Variants in PTPRN2 observed in about 807,000 individuals in gnomAD.
PTPRN2 encodes protein tyrosine phosphatase receptor type N2.
Under a neutral mutation model 118.8 loss-of-function variants are expected in PTPRN2, and 74 were observed. The observed-to-expected ratio is 0.62, with a 90% CI of 0.52 to 0.76. The LOEUF is 0.76. Among genes scored for constraint, PTPRN2 ranks in the 30% least tolerant of loss-of-function variants. The pLI is 0.00. For synonymous variants in PTPRN2, 641 were observed against 608.0 expected (o/e 1.05, Z -0.80); for missense variants, 1,481 against 1,394.4 (o/e 1.06, Z -0.99).
At chr7:158,340,293 T>C (rs1352902115) in intron 2 of PTPRN2, among the ~76,000 whole-genome samples, 2 of 93,344 alleles carry the variant, frequency 2.1e-5, no homozygotes, top group African/African-American at 7.7e-5. Flanking sequence ...ACCCACATTC[T>C]CACCATAGGA....
intron 2 of PTPRN2, among the ~76,000 whole-genome samples, chr7:158,431,163 C>T (rs1014048798): frequency 1.4e-4 from 22 of 152,218 alleles, no homozygotes; most frequent in Non-Finnish European, 4.4e-5. Flanking sequence ...TCCCAGCCAG[C>T]GTGAGCCCCA....
intron 2 of PTPRN2, among the ~76,000 whole-genome samples, chr7:158,358,363 G>C (rs990798882): frequency 1.3e-5 from 2 of 152,196 alleles, no homozygotes; most frequent in African/African-American, 4.8e-5. Context: ...TGGGCTGGAG[G>C]AGGGCTGCAG....
intron 11 of PTPRN2, among the ~76,000 whole-genome samples, chr7:158,067,414 C>G (rs979234382): frequency 6.6e-6 from 1 of 152,152 alleles, no homozygotes; most frequent in South Asian, 2.1e-4. Context: ...GAGTGGTACT[C>G]GGCTCCAGTG....
At chr7:158,583,799 GAGA>G (rs1475203603) in intron 1 of PTPRN2, among the ~76,000 whole-genome samples, 1 of 152,216 alleles carries the variant, frequency 6.6e-6, no homozygotes, top group African/African-American at 2.4e-5. Flanking sequence ...ACAACAGGCA[GAGA>G]AGCTCACAGA....
intron 3 of PTPRN2, among the ~76,000 whole-genome samples, chr7:158,235,397 G>T (rs922597258): frequency 6.6e-6 from 1 of 152,144 alleles, no homozygotes; most frequent in South Asian, 2.1e-4. Flanking sequence ...TATACACAAT[G>T]GAATAGTATT....
intron 2 of PTPRN2, among the ~76,000 whole-genome samples, chr7:158,383,508 T>C (rs1811115393): frequency 6.6e-6 from 1 of 152,234 alleles, no homozygotes; most frequent in Non-Finnish European, 1.5e-5. Context: ...TGGAATGCCC[T>C]TTCAATTTTT....
chr7:158,198,481 A>G (rs1826389948), intron 4 of PTPRN2, among the ~76,000 whole-genome samples: 1 of 152,254 alleles, frequency 6.6e-6, no homozygotes, highest in South Asian at 2.1e-4. Context: ...AGTTTGTTAA[A>G]GGAAAAAATT....
Position 158,195,554 on chromosome 7 carries a change from G to A in PTPRN2, c.381-3059C>T, listed in dbSNP as rs6977406. 9.0e-3 allele frequency among the ~76,000 whole-genome samples: 1,357 copies of A among 150,730 alleles called. 23 individuals carry two copies. Among genetic ancestry groups the A allele is most frequent in the African/African-American group, 0.031 (1,281 of 40,926 alleles). ...TGATTTTTCTGTTCCTGTCTCTCCCGCCTTGGGACTCCAGTTATACAGATA... is the reference window on the plus strand; with the variant it reads ...TGATTTTTCTGTTCCTGTCTCTCCCACCTTGGGACTCCAGTTATACAGATA... On this transcript the variant is annotated intron_variant, in intron 4 of 22. Coordinates refer to ENST00000389418, the MANE Select transcript of PTPRN2 (RefSeq NM_002847.5).
chr7:157,925,868 G>A (rs142901302), intron 11 of PTPRN2, among the ~76,000 whole-genome samples: 16 of 151,874 alleles, frequency 1.1e-4, no homozygotes, highest in East Asian at 3.9e-4. Flanking sequence ...TCTTCAAAGC[G>A]CGGTGCCTCA....
rs200748779 is a variant in PTPRN2, at chr7:157,982,609, TC to T, written c.1724-83873del. Among the ~76,000 whole-genome samples, 350 of 93,262 alleles carry T rather than the reference TC, an allele frequency of 3.8e-3. 3 individuals carry two copies. The highest frequency in any genetic ancestry group is 0.015 in the African/African-American group (339 of 22,892). The allele number at this position is 93,262 out of a possible 152,430, so 61.2% of individuals were successfully genotyped here. On this transcript the variant is annotated intron_variant, in intron 11 of 22. Coordinates refer to ENST00000389418, the MANE Select transcript of PTPRN2 (RefSeq NM_002847.5). ...GAGTAGGGGAATGCAGAGTGCAGGGTCCCCCCTAAACCCCGAGTCACAGAGA... is the reference window on the plus strand; with the variant it reads ...GAGTAGGGGAATGCAGAGTGCAGGGTCCCCCTAAACCCCGAGTCACAGAGA...
chr7:158,250,973 T>C (rs563663005), intron 3 of PTPRN2, among the ~76,000 whole-genome samples: 21 of 152,004 alleles, frequency 1.4e-4, no homozygotes, highest in African/African-American at 4.1e-4. Flanking sequence ...TGAGCACATT[T>C]TTACTTGATT....
Position 158,359,890 on chromosome 7 carries a change from G to C in PTPRN2, c.164-42958C>G, listed in dbSNP as rs146229161. On this transcript the variant is annotated intron_variant, in intron 2 of 22. Coordinates refer to ENST00000389418, the MANE Select transcript of PTPRN2 (RefSeq NM_002847.5). Reference sequence around the variant, plus strand: ...CAGCACCTTAGCTTGGCCCCTCCTTGGTGCCCAAGACCTAACACTGGAGAT... The same window carrying C: ...CAGCACCTTAGCTTGGCCCCTCCTTCGTGCCCAAGACCTAACACTGGAGAT... 9.1e-3 allele frequency among the ~76,000 whole-genome samples: 1,381 copies of C among 152,218 alleles called. 24 individuals carry two copies. Among genetic ancestry groups the C allele is most frequent in the African/African-American group, 0.032 (1,322 of 41,526 alleles).
chr7:157,933,315 G>C (rs926071072), intron 11 of PTPRN2, among the ~76,000 whole-genome samples: 6 of 148,000 alleles, frequency 4.1e-5, no homozygotes, highest in Non-Finnish European at 7.4e-5. Flanking sequence ...TTAGAGGAAG[G>C]GTGAGTCATT....
At chr7:158,484,140 T>C (rs1820829593) in intron 2 of PTPRN2, among the ~76,000 whole-genome samples, 1 of 151,908 alleles carries the variant, frequency 6.6e-6, no homozygotes, top group South Asian at 2.1e-4. Context: ...CAAGTGCTTG[T>C]CTTAAAAAAA....
intron 3 of PTPRN2, among the ~76,000 whole-genome samples, chr7:158,223,054 A>T (rs1415386787): frequency 6.6e-6 from 1 of 152,198 alleles, no homozygotes; most frequent in Non-Finnish European, 1.5e-5. Flanking sequence ...ACAACTCTAC[A>T]CACATAAACC....
Position 157,671,267 on chromosome 7 carries a change from G to C in PTPRN2, c.2001+11458C>G, listed in dbSNP as rs983561390. Among the ~76,000 whole-genome samples the C allele has an allele frequency of 3.3e-5, 5 of 152,230 alleles. No individual in the cohort carries two copies. The highest frequency in any genetic ancestry group is 1.2e-4 in the African/African-American group (5 of 41,464). ...GCCAAGGCTGTCCCCACACGGGCTG[G>C]TCTGGTGTGGGCAACAAGGCCCGCT... On this transcript the variant is annotated intron_variant, in intron 13 of 22. Transcript: ENST00000389418. This position sits in a 1 kb window ranked among gnomAD's most constrained non-coding sequence, Gnocchi z 4.1.
At chr7:158,308,129 T>C (rs1216636780) in intron 3 of PTPRN2, among the ~76,000 whole-genome samples, 1 of 152,220 alleles carries the variant, frequency 6.6e-6, no homozygotes, top group Non-Finnish European at 1.5e-5. Flanking sequence ...AAATAGGCAA[T>C]GATCCTCAAT....
chr7:158,290,017 T>C (rs918741639), intron 3 of PTPRN2, among the ~76,000 whole-genome samples: 3 of 152,132 alleles, frequency 2.0e-5, no homozygotes, highest in African/African-American at 7.2e-5. Flanking sequence ...CTGGCATCCG[T>C]TAAGGCAGGA....
chr7:158,441,771 C>T (rs1438254571), intron 2 of PTPRN2, among the ~76,000 whole-genome samples: 10 of 127,288 alleles, frequency 7.9e-5, no homozygotes, highest in African/African-American at 1.5e-4. Context: ...ATGGTCATGG[C>T]AGTGGTGGTG....
Sources: allele counts gnomAD v4.1 joint callset (sites outside exome capture counted in the v4.1 genomes callset), GRCh38; gene constraint gnomAD v4.1.1; non-coding constraint Gnocchi (gnomAD v3.1); transcripts MANE v1.5; gene names NCBI Gene and HGNC (gene_info 2026-07-23, HGNC 2026-07-21).